The following ZER1 variants were observed in gnomAD, a reference collection of about 807,000 sequenced individuals.
ZER1 encodes zyg-11 related cell cycle regulator.
Under a neutral mutation model 78.8 loss-of-function variants are expected in ZER1, and 11 were observed. The observed-to-expected ratio is 0.14, with a 90% CI of 0.09 to 0.23. ZER1 has a LOEUF of 0.23. Ranked by LOEUF, ZER1 falls within the 10% of genes least tolerant of loss-of-function variation. ZER1 has a pLI of 1.00. For synonymous variants in ZER1, 400 were observed against 407.0 expected, an observed-to-expected ratio of 0.98 and a Z score of 0.21; for missense variants, 588 against 996.9, an observed-to-expected ratio of 0.59 and a Z score of 5.52.
chr9:128,733,429 G>GCCATTTCCTT lies in ZER1; in HGVS notation c.2230_2239dup (p.Ala747GlufsTer9). The GCCATTTCCTT allele has an allele frequency of 6.2e-7, 1 of 1,613,636 alleles. No homozygotes were observed. The highest frequency in any genetic ancestry group is 1.1e-5 in the South Asian group (1 of 90,946). On this transcript the variant is annotated frameshift_variant, in exon 15 of 16. Coordinates refer to ENST00000291900, the MANE Select transcript of ZER1 (RefSeq NM_006336.4). LOFTEE classifies it high-confidence loss of function. Reference sequence around the variant, plus strand: ...AAACACACTGCTGGTCTCTTACCGGGCCATTTCCTTGGTCTCCTGCCGTGC... The same window carrying GCCATTTCCTT: ...AAACACACTGCTGGTCTCTTACCGGGCCATTTCCTTCCATTTCCTTGGTCTCCTGCCGTGC...
intron 9 of ZER1, among the ~76,000 whole-genome samples, chr9:128,742,152 T>C (rs1213481187): frequency 6.6e-6 from 1 of 152,250 alleles, no homozygotes; most frequent in East Asian, 1.9e-4. Flanking sequence ...AGCTCCTTTG[T>C]CATTCTTTCC....
chr9:128,734,144 A>ATATATATATATATATAT (rs1554784814), intron 14 of ZER1, among the ~76,000 whole-genome samples: 8 of 14,438 alleles, frequency 5.5e-4, no homozygotes, highest in East Asian at 4.0e-3. Context: ...AAAAAAAAAA[A>ATATATATATATATATAT]ATATATATAT....
At chr9:128,731,464 C>A in intron 15 of ZER1, 70 bp from the exon 16 acceptor site, 1 of 1,300,640 alleles carries the variant, frequency 7.7e-7, no homozygotes, top group South Asian at 1.2e-5. Flanking sequence ...CCTCCGAGAT[C>A]ATTAGGCAGC....
intron 1 of ZER1, among the ~76,000 whole-genome samples, chr9:128,759,721 G>C (rs1196572992): frequency 6.6e-6 from 1 of 151,722 alleles, no homozygotes; most frequent in Non-Finnish European, 1.5e-5. Context: ...CGTGAACCCA[G>C]GAGGCGGAGC....
intron 1 of ZER1, among the ~76,000 whole-genome samples, chr9:128,771,333 C>CA (rs1414310507): frequency 6.6e-6 from 1 of 152,212 alleles, no homozygotes; most frequent in Non-Finnish European, 1.5e-5. Flanking sequence ...GTGGCCCTTT[C>CA]AGCCCTACAC....
In ZER1 at chr9:128,732,657, C is replaced by T. The variant is rs1228438907; in HGVS notation, c.2243+769G>A. On this transcript the variant is annotated intron_variant, in intron 15 of 15. Transcript: ENST00000291900. This position sits in a 1 kb window ranked among gnomAD's most constrained non-coding sequence, Gnocchi z 4.8. ...CTAGGATTACAGGTGTGAGCCACTT[C>T]GCCTGGCCAGTAGCGCCTTTGGCCA... Among the ~76,000 whole-genome samples the T allele has an allele frequency of 2.0e-5, 3 of 152,214 alleles. No homozygotes were observed. Among genetic ancestry groups the T allele is most frequent in the East Asian group, 1.9e-4 (1 of 5,196 alleles).
At chr9:128,737,407 A>G (rs374685172) in intron 13 of ZER1, among the ~76,000 whole-genome samples, 24 of 152,262 alleles carry the variant, frequency 1.6e-4, no homozygotes, top group Middle Eastern at 3.4e-3. Context: ...CCCAAGAACT[A>G]TAGTACTTGG....
chr9:128,763,202 C>T (rs972875836), intron 1 of ZER1, among the ~76,000 whole-genome samples: 1 of 152,204 alleles, frequency 6.6e-6, no homozygotes, highest in African/African-American at 2.4e-5. Flanking sequence ...CAGGAAGTAT[C>T]TCCTGGCCAC....
rs1863659341 is a variant in ZER1 at position 128,751,045 on chromosome 9, G to C, written c.1185+77C>G. The C allele has an allele frequency of 6.6e-7, 1 of 1,513,866 alleles. No individual in the cohort carries two copies. Among genetic ancestry groups the C allele is most frequent in the Non-Finnish European group, 8.8e-7 (1 of 1,131,404 alleles). The allele number at this position is 1,513,866 out of a possible 1,614,324, so 93.8% of individuals were successfully genotyped here. A position where few individuals can be genotyped will look rare whatever the true frequency, so the allele number is the denominator to read the frequency against. On this transcript the variant is annotated intron_variant, in intron 7 of 15. Coordinates refer to ENST00000291900, the MANE Select transcript of ZER1 (RefSeq NM_006336.4). This position sits in a 1 kb window ranked among gnomAD's most constrained non-coding sequence, Gnocchi z 5.4. Reference sequence around the variant, plus strand: ...AGGGTGCAGAAGGACACAGGCTCTGGGGACACGGCTCAGCCAAGCCCGGCA... The same window carrying C: ...AGGGTGCAGAAGGACACAGGCTCTGCGGACACGGCTCAGCCAAGCCCGGCA...
intron 14 of ZER1, 55 bp downstream of exon 14, chr9:128,735,279 G>T: frequency 1.3e-6 from 2 of 1,506,916 alleles, no homozygotes; most frequent in Non-Finnish European, 1.8e-6. Flanking sequence ...CTCCCTGAGG[G>T]CACATCTGCT....
intron 1 of ZER1, among the ~76,000 whole-genome samples, chr9:128,769,968 C>T (rs1864332725): frequency 6.6e-6 from 1 of 152,156 alleles, no homozygotes; most frequent in Admixed American, 6.6e-5. Flanking sequence ...AAGTACGGTT[C>T]TGAAAGGGTG....
intron 4 of ZER1, 117 bp from the exon 5 acceptor site, chr9:128,752,966 C>A: frequency 7.2e-7 from 1 of 1,390,170 alleles, no homozygotes; most frequent in South Asian, 1.4e-5. Flanking sequence ...ACAACTTCCC[C>A]AGGGCATTCT....
chr9:128,768,152 T>G (rs78843877), intron 1 of ZER1, among the ~76,000 whole-genome samples: 4,979 of 152,190 alleles, frequency 0.033, 98 homozygotes, highest in Middle Eastern at 0.075. Context: ...GAAAATCAGT[T>G]TCAGCGATTG....
chr9:128,733,680 C>T (rs536774813), intron 14 of ZER1, 152 bp from the exon 15 acceptor site: 166 of 629,842 alleles, frequency 2.6e-4, no homozygotes, highest in African/African-American at 2.2e-3. Context: ...GGGGGCAAGA[C>T]GTGGGCCCAG....
At chr9:128,736,397 GT>G (rs753097804) in intron 13 of ZER1, among the ~76,000 whole-genome samples, 107 of 122,832 alleles carry the variant, frequency 8.7e-4, no homozygotes, top group Admixed American at 7.3e-4. Flanking sequence ...TTTTTTCTTT[GT>G]TTTTTTTTTT....
At chr9:128,762,297 G>A (rs774660863) in intron 1 of ZER1, among the ~76,000 whole-genome samples, 3 of 152,122 alleles carry the variant, frequency 2.0e-5, no homozygotes, top group African/African-American at 7.2e-5. Flanking sequence ...GTGCCCATTT[G>A]TAAACCTTCC....
At chr9:128,750,998 C>T (rs953542084) in intron 7 of ZER1, 124 bp downstream of exon 7, 21 of 1,436,194 alleles carry the variant, frequency 1.5e-5, no homozygotes, top group East Asian at 2.4e-5. Context: ...GGCTGGGGTT[C>T]GGGTCCTGGG....
At chr9:128,742,813 A>T in intron 8 of ZER1, 68 bp from the exon 9 acceptor site, 1 of 1,495,830 alleles carries the variant, frequency 6.7e-7, no homozygotes, top group Non-Finnish European at 9.0e-7. Flanking sequence ...TCTAGGAACT[A>T]TCTAGAGGTA....
rs1863251347 is a variant in ZER1, at chr9:128,740,457, G to A, written c.1853+315C>T. Among the ~76,000 whole-genome samples the A allele has an allele frequency of 6.6e-6, 1 of 151,956 alleles. No homozygotes were observed. The highest frequency in any genetic ancestry group is 1.5e-5 in the Non-Finnish European group (1 of 68,012). On this transcript the variant is annotated intron_variant, in intron 12 of 15. Transcript: ENST00000291900. This position sits in a 1 kb window ranked among gnomAD's most constrained non-coding sequence, Gnocchi z 4.4. ...TAGCTGGGCGTGGTGGCAGGCGCCT[G>A]TAGTCTCAGCTACTCGGGAGGCTGA...
Sources: allele counts gnomAD v4.1 joint callset (sites outside exome capture counted in the v4.1 genomes callset), GRCh38; gene constraint gnomAD v4.1.1; non-coding constraint Gnocchi (gnomAD v3.1); transcripts MANE v1.5; gene names NCBI Gene and HGNC (gene_info 2026-07-23, HGNC 2026-07-21).